The following LRIF1 variants were observed in gnomAD, a reference collection of about 807,000 sequenced individuals.
The protein encoded by LRIF1 is ligand-dependent nuclear receptor-interacting factor 1.
LRIF1 carries 32 observed loss-of-function variants against 52.7 expected under a neutral mutation model. That is an observed-to-expected ratio of 0.61 (90% confidence interval 0.46 to 0.82). The LOEUF (loss-of-function observed/expected upper bound fraction) is 0.82, where lower values mean the gene tolerates loss of function less well. LRIF1 is among the 40% of genes least tolerant of loss of function. LRIF1 has a pLI of 0.00. For synonymous variants in LRIF1, 323 were observed against 317.4 expected (o/e 1.02, Z -0.19); for missense variants, 887 against 892.0 (o/e 0.99, Z 0.07).
At chr1:110,916,848 C>A in the LRIF1 span, among the ~76,000 whole-genome samples, 1 of 152,228 alleles carries the variant, frequency 6.6e-6, no homozygotes, top group Non-Finnish European at 1.5e-5. Flanking sequence ...AATGAGAAAA[C>A]TGTCAACTCA....
At chr1:110,913,537 C>T in the LRIF1 span, among the ~76,000 whole-genome samples, 2 of 152,136 alleles carry the variant, frequency 1.3e-5, no homozygotes, top group Non-Finnish European at 2.9e-5. Flanking sequence ...GGCCAACAAC[C>T]ATATGAAAAA....
At chr1:110,889,241 G>C in the LRIF1 span, among the ~76,000 whole-genome samples, 1 of 152,066 alleles carries the variant, frequency 6.6e-6, no homozygotes, top group Admixed American at 6.6e-5. Flanking sequence ...ATTCACTCCT[G>C]ATAAACAGAG....
chr1:110,958,214 G>A (rs1333419777), intron 1 of LRIF1, among the ~76,000 whole-genome samples: 1 of 152,152 alleles, frequency 6.6e-6, no homozygotes, highest in Non-Finnish European at 1.5e-5. Context: ...TCTTACCAGA[G>A]AGATCTCTTT....
At chr1:110,891,481 T>A in the LRIF1 span, 2 of 1,606,828 alleles carry the variant, frequency 1.2e-6, no homozygotes, top group Middle Eastern at 1.7e-4. Context: ...GGTAAGTGTA[T>A]CTCTTCTGAG....
chr1:110,920,595 T>C, the LRIF1 span, among the ~76,000 whole-genome samples: 1 of 152,164 alleles, frequency 6.6e-6, no homozygotes, highest in Non-Finnish European at 1.5e-5. Context: ...TTTCTTATAA[T>C]ACTACAATGG....
chr1:110,954,757 T>A (rs1470719934), intron 1 of LRIF1, among the ~76,000 whole-genome samples: 2 of 152,206 alleles, frequency 1.3e-5, no homozygotes, highest in Non-Finnish European at 2.9e-5. Flanking sequence ...CCTCTGGGCC[T>A]AATCTGGCCC....
chr1:110,898,491 A>T, the LRIF1 span, among the ~76,000 whole-genome samples: 2 of 151,982 alleles, frequency 1.3e-5, no homozygotes, highest in Admixed American at 1.3e-4. Flanking sequence ...TCCCACTGTG[A>T]TCCCTCCTCA....
chr1:110,876,373 T>C, the LRIF1 span, among the ~76,000 whole-genome samples: 5 of 152,242 alleles, frequency 3.3e-5, no homozygotes, highest in Admixed American at 6.5e-5. Context: ...AAATTCCTAG[T>C]GCATTTTAAC....
the LRIF1 span, among the ~76,000 whole-genome samples, chr1:110,890,396 G>A: frequency 4.6e-5 from 7 of 151,976 alleles, no homozygotes; most frequent in South Asian, 2.1e-4. Flanking sequence ...GTGAAACTTC[G>A]TTTCTACTAA....
At chr1:110,960,311 A>ATG (rs755634827) in intron 1 of LRIF1, among the ~76,000 whole-genome samples, 25 of 151,460 alleles carry the variant, frequency 1.7e-4, no homozygotes, top group Admixed American at 8.5e-4. Flanking sequence ...ACTCTATAGT[A>ATG]TGTGTGTCTG....
chr1:110,895,189 G>A, the LRIF1 span: 4 of 667,852 alleles, frequency 6.0e-6, no homozygotes, highest in Non-Finnish European at 1.1e-5. Flanking sequence ...TAATGCCTTG[G>A]CTATCACAAA....
chr1:110,929,769 C>G, the LRIF1 span, among the ~76,000 whole-genome samples: 8 of 152,186 alleles, frequency 5.3e-5, no homozygotes, highest in Admixed American at 4.6e-4. Context: ...AACAGAAAAC[C>G]AAATACCACA....
chr1:110,944,211 GGGTGTGA>G (rs1275360155), downstream of LRIF1: 1 of 152,168 alleles, frequency 6.6e-6, no homozygotes, highest in African/African-American at 2.4e-5. Flanking sequence ...AATTTGTATT[GGGTGTGA>G]GGTGTGAGAG....
At chr1:110,880,051 C>T in the LRIF1 span, among the ~76,000 whole-genome samples, 6 of 152,182 alleles carry the variant, frequency 3.9e-5, no homozygotes, top group Non-Finnish European at 8.8e-5. Flanking sequence ...GATCCCTAAC[C>T]TCCATGTTGA....
chr1:110,950,027 T>C lies in LRIF1; in HGVS notation c.1693A>G (p.Lys565Glu). 4 of 1,614,150 alleles carry C rather than the reference T, an allele frequency of 2.5e-6. No individual in the cohort carries two copies. Among genetic ancestry groups the C allele is most frequent in the Non-Finnish European group, 3.4e-6 (4 of 1,180,012 alleles). ...ATCTTTTTAAATTCAGCATCACTCTTCAGATGTAATGCCTTATTACTTCTT... is the reference window on the plus strand; with the variant it reads ...ATCTTTTTAAATTCAGCATCACTCTCCAGATGTAATGCCTTATTACTTCTT... ...QGRSNKALHL[K>E]SDAEFKKIFG... The change falls in exon 3 of 4, where the codon AAG becomes GAG. Residue 565 changes from lysine to glutamate, a missense_variant. Coordinates refer to ENST00000369763, the MANE Select transcript of LRIF1 (RefSeq NM_018372.4).
intron 2 of LRIF1, among the ~76,000 whole-genome samples, chr1:110,950,358 G>A (rs1463448185): frequency 6.6e-6 from 1 of 152,162 alleles, no homozygotes; most frequent in Non-Finnish European, 1.5e-5. Flanking sequence ...AAGGTAATAA[G>A]TAGTCAATTC....
chr1:110,951,201 G>T, intron 2 of LRIF1, 87 bp downstream of exon 2: 1 of 1,086,528 alleles, frequency 9.2e-7, no homozygotes, highest in Non-Finnish European at 1.3e-6. Context: ...GTGGGGGAAA[G>T]AGGTATCATA....
At chr1:110,925,016 T>C in the LRIF1 span, among the ~76,000 whole-genome samples, 2 of 152,242 alleles carry the variant, frequency 1.3e-5, no homozygotes, top group East Asian at 1.9e-4. Context: ...CACCTTTTAA[T>C]GAACTAGTAG....
At chr1:110,920,993 G>A in the LRIF1 span, among the ~76,000 whole-genome samples, 51 of 152,238 alleles carry the variant, frequency 3.4e-4, 1 homozygote, top group Admixed American at 1.2e-3. Context: ...TAGGGAGAAT[G>A]TCTAAGATGC....
Sources: gnomAD v4.1 joint callset for allele counts (sites outside exome capture counted in the v4.1 genomes callset) on GRCh38, gnomAD v4.1.1 for gene constraint, MANE v1.5 for transcripts, NCBI Gene and HGNC (gene_info 2026-07-23, HGNC 2026-07-21) for gene names.